Variants in UNC5C observed in about 807,000 individuals in gnomAD.
UNC5C encodes unc-5 netrin receptor C.
UNC5C carries 47 observed loss-of-function variants against 99.8 expected under a neutral mutation model. That is an observed-to-expected ratio of 0.47 (90% confidence interval 0.37 to 0.60). The LOEUF is 0.60. Among genes scored for constraint, UNC5C ranks in the 20% least tolerant of loss-of-function variants. The pLI is 0.00. For synonymous variants in UNC5C, 487 were observed against 452.2 expected (o/e 1.08, Z -0.98); for missense variants, 1,062 against 1,165.9 (o/e 0.91, Z 1.30).
At chr4:95,244,854 G>T in intron 6 of UNC5C, 123 bp downstream of exon 6, 1 of 1,297,210 alleles carries the variant, frequency 7.7e-7, no homozygotes, top group Admixed American at 2.1e-5. Context: ...ACAGTGAGTA[G>T]GATGGATTTA....
intron 1 of UNC5C, among the ~76,000 whole-genome samples, chr4:95,409,837 C>G (rs147043599): frequency 3.9e-5 from 6 of 152,320 alleles, no homozygotes; most frequent in African/African-American, 1.2e-4. Flanking sequence ...CCTCACCTGT[C>G]ACAAGAGGCT....
intron 2 of UNC5C, among the ~76,000 whole-genome samples, chr4:95,303,343 T>C (rs549127141): frequency 6.6e-6 from 1 of 152,344 alleles, no homozygotes; most frequent in South Asian, 2.1e-4. Context: ...TCCCAATGCA[T>C]GCTGAGTTTC....
chr4:95,272,848 A>G (rs1033340443), intron 4 of UNC5C, among the ~76,000 whole-genome samples: 28 of 152,124 alleles, frequency 1.8e-4, no homozygotes, highest in African/African-American at 6.8e-4. Context: ...GTAAAGCACC[A>G]CTCTGGAGAC....
At chr4:95,237,738 T>C (rs1254343146) in intron 7 of UNC5C, among the ~76,000 whole-genome samples, 1 of 152,116 alleles carries the variant, frequency 6.6e-6, no homozygotes, top group Non-Finnish European at 1.5e-5. Flanking sequence ...AAGCCATTAA[T>C]TGGACATGTT....
chr4:95,492,865 T>C (rs906260691), intron 1 of UNC5C, among the ~76,000 whole-genome samples: 2 of 151,530 alleles, frequency 1.3e-5, no homozygotes, highest in African/African-American at 4.8e-5. Context: ...TAGGTATTAA[T>C]CAGAGGAGTT....
At chr4:95,509,087 A>G (rs1721998077) in intron 1 of UNC5C, among the ~76,000 whole-genome samples, 1 of 151,858 alleles carries the variant, frequency 6.6e-6, no homozygotes, top group Non-Finnish European at 1.5e-5. Flanking sequence ...ACAAGTAGGA[A>G]TTTTGACATA....
At chr4:95,290,984 C>T (rs1290839251) in intron 3 of UNC5C, among the ~76,000 whole-genome samples, 1 of 152,110 alleles carries the variant, frequency 6.6e-6, no homozygotes, top group Non-Finnish European at 1.5e-5. Context: ...AGAGAAATTC[C>T]AGGGAACAAA....
Position 95,219,318 on chromosome 4 carries a change from G to C in UNC5C, c.1301-5C>G. 6.2e-7 allele frequency: 1 copy of C among 1,609,630 alleles called. No individual in the cohort carries two copies. Among genetic ancestry groups the C allele is most frequent in the Non-Finnish European group, 8.5e-7 (1 of 1,177,278 alleles). On this transcript the variant is annotated splice_region_variant and splice_polypyrimidine_tract_variant and intron_variant, in intron 8 of 15. Transcript: ENST00000453304. ...CTGGGGGTACAGCCAGCAGATCTGA[G>C]TCAGAAAGAGAAAATAATCCCATTG...
intron 4 of UNC5C, among the ~76,000 whole-genome samples, chr4:95,267,742 T>C (rs1054617469): frequency 5.3e-5 from 8 of 151,928 alleles, no homozygotes; most frequent in Admixed American, 1.3e-4. Flanking sequence ...TATAACCCCA[T>C]CTCTTTCTAA....
At chr4:95,389,660 T>C (rs1185050152) in intron 1 of UNC5C, among the ~76,000 whole-genome samples, 2 of 152,150 alleles carry the variant, frequency 1.3e-5, no homozygotes, top group African/African-American at 4.8e-5. Flanking sequence ...CTTGGGTATG[T>C]AAATTTACTT....
In UNC5C at chr4:95,245,477, G is replaced by A. The variant is rs185515263; in HGVS notation, c.776-333C>T. Among the ~76,000 whole-genome samples the A allele has an allele frequency of 4.9e-4, 74 of 152,146 alleles. 2 individuals carry two copies. The highest frequency in any genetic ancestry group is 2.1e-4 in the Non-Finnish European group (14 of 67,992). Reference sequence around the variant, plus strand: ...GCTCCAAAATTACTTTTGACAGCTCGTCTCAAATAATAAATGTTTACATCT... The same window carrying A: ...GCTCCAAAATTACTTTTGACAGCTCATCTCAAATAATAAATGTTTACATCT... On this transcript the variant is annotated intron_variant, in intron 5 of 15. Coordinates refer to ENST00000453304, the MANE Select transcript of UNC5C (RefSeq NM_003728.4).
intron 1 of UNC5C, among the ~76,000 whole-genome samples, chr4:95,477,166 C>T (rs1007130494): frequency 3.3e-5 from 5 of 151,984 alleles, no homozygotes; most frequent in Non-Finnish European, 7.4e-5. Context: ...AAGATTTTGC[C>T]TACTGGCTAT....
At chr4:95,369,863 A>G (rs1000105603) in intron 1 of UNC5C, among the ~76,000 whole-genome samples, 2 of 152,112 alleles carry the variant, frequency 1.3e-5, no homozygotes, top group African/African-American at 4.8e-5. Flanking sequence ...AATGACAAGT[A>G]TGGATAAAAC....
intron 1 of UNC5C, among the ~76,000 whole-genome samples, chr4:95,364,647 G>C (rs529458068): frequency 6.6e-6 from 1 of 152,270 alleles, no homozygotes; most frequent in Admixed American, 6.5e-5. Flanking sequence ...TTTCAAATGA[G>C]TGCCTTTTTA....
intron 1 of UNC5C, among the ~76,000 whole-genome samples, chr4:95,363,325 A>C (rs1340649525): frequency 6.6e-6 from 1 of 152,180 alleles, no homozygotes; most frequent in Non-Finnish European, 1.5e-5. Context: ...AAGAGTCTGC[A>C]AACAAAATGT....
chr4:95,229,520 T>C (rs1311831000), intron 7 of UNC5C, among the ~76,000 whole-genome samples: 1 of 152,196 alleles, frequency 6.6e-6, no homozygotes, highest in Non-Finnish European at 1.5e-5. Context: ...CTTTAAGCAG[T>C]CTATCATTGA....
intron 4 of UNC5C, among the ~76,000 whole-genome samples, chr4:95,253,473 G>A (rs1374433022): frequency 6.6e-6 from 1 of 152,114 alleles, no homozygotes; most frequent in African/African-American, 2.4e-5. Context: ...TCTTGCCTGT[G>A]TTGGAGCAGT....
chr4:95,278,474 C>A, intron 3 of UNC5C, 112 bp from the exon 4 acceptor site: 1 of 767,998 alleles, frequency 1.3e-6, no homozygotes, highest in Non-Finnish European at 2.1e-6. Flanking sequence ...TTTTTTCTTT[C>A]TTTTTTCTTT....
intron 3 of UNC5C, among the ~76,000 whole-genome samples, chr4:95,292,732 T>C (rs6857589): frequency 0.64 from 97,120 of 152,098 alleles, 31,309 homozygotes; most frequent in East Asian, 0.76. Context: ...GGAAAAAAAG[T>C]ATTTTTATTA....
Sources: allele counts gnomAD v4.1 joint callset (sites outside exome capture counted in the v4.1 genomes callset), GRCh38; gene constraint gnomAD v4.1.1; transcripts MANE v1.5; gene names NCBI Gene and HGNC (gene_info 2026-07-23, HGNC 2026-07-21).